Variants in DOCK11 observed in about 807,000 individuals in gnomAD.
The protein encoded by DOCK11 is dedicator of cytokinesis protein 11.
A neutral mutation model predicts 169.1 loss-of-function variants in DOCK11; 70 were observed. That is an observed-to-expected ratio of 0.41 (90% CI 0.34 to 0.51). The LOEUF (loss-of-function observed/expected upper bound fraction) is 0.51, where lower values mean the gene tolerates loss of function less well. DOCK11 is among the 20% of genes least tolerant of loss of function. The probability of loss-of-function intolerance (pLI) is 0.10; values close to 1 mark genes in which losing one functional copy is unlikely to be tolerated. For synonymous variants in DOCK11, 529 were observed against 541.3 expected (o/e 0.98, Z 0.32); for missense variants, 1,166 against 1,538.8 (o/e 0.76, Z 4.05).
chrX:118,523,812 G>A (rs767026614), intron 1 of DOCK11, among the ~76,000 whole-genome samples: 3 of 111,597 alleles, frequency 2.7e-5, no homozygotes, highest in Admixed American at 9.6e-5. Context: ...TAGTTGGTTC[G>A]AAGGCCCATT....
At chrX:118,646,414 A>G (rs2015673493) in intron 40 of DOCK11, among the ~76,000 whole-genome samples, 1 of 111,515 alleles carries the variant, frequency 9.0e-6, no homozygotes, top group Admixed American at 9.6e-5. Context: ...TCAAAGACGA[A>G]TCTGTAAGGG....
intron 7 of DOCK11, among the ~76,000 whole-genome samples, chrX:118,564,497 T>C (rs2013010495): frequency 8.9e-6 from 1 of 112,023 alleles, no homozygotes; most frequent in Non-Finnish European, 1.9e-5. Context: ...ATCAGCAAGC[T>C]TGAGAAAAGG....
intron 1 of DOCK11, among the ~76,000 whole-genome samples, chrX:118,532,615 C>T (rs2011619598): frequency 9.2e-6 from 1 of 109,256 alleles, no homozygotes; most frequent in Non-Finnish European, 1.9e-5. Context: ...CCCGTCTCTA[C>T]TAAAAAATAC....
intron 1 of DOCK11, among the ~76,000 whole-genome samples, chrX:118,521,527 G>T (rs1015537651): frequency 3.6e-5 from 4 of 112,522 alleles, no homozygotes; most frequent in African/African-American, 6.5e-5. Flanking sequence ...CTGCAGCAGA[G>T]AATTCACTGG....
chrX:118,659,516 C>T (rs909145253), intron 44 of DOCK11, among the ~76,000 whole-genome samples: 1 of 111,841 alleles, frequency 8.9e-6, no homozygotes, highest in African/African-American at 3.2e-5. Flanking sequence ...GGATTTTCTC[C>T]AAGCATTTTA....
At chrX:118,534,142 G>A (rs779106078) in intron 1 of DOCK11, among the ~76,000 whole-genome samples, 1 of 111,899 alleles carries the variant, frequency 8.9e-6, no homozygotes, top group African/African-American at 3.2e-5. Context: ...TCATTTAAAT[G>A]CTTATTAGCA....
intron 45 of DOCK11, 27 bp from the exon 46 acceptor site, chrX:118,670,995 TC>T (rs1360134653): frequency 1.1e-5 from 13 of 1,148,338 alleles, no homozygotes; most frequent in Non-Finnish European, 1.5e-5. Flanking sequence ...TATTTTTAAT[TC>T]CTAATTGGAT....
rs2014204759 is a variant in DOCK11, at chrX:118,597,531, G to A, written c.2364G>A (p.Leu788=). ...ATCTTCCCCCAGGCTACTTGAATCT[G>A]AATGATGCAGAATCAAGAAGGGTAG... is the stretch of plus-strand genomic sequence containing the variant. The part of the protein sequence containing the change: ...SANLPPGYLN[L]NDAESRRQCN... Residue 788 remains leucine (L), a synonymous_variant, in exon 21 of 53, where the codon CTG becomes CTA. Transcript: ENST00000276202. 1 of 1,209,457 alleles carries A rather than the reference G, an allele frequency of 8.3e-7. No individual in the cohort carries two copies. The highest frequency in any genetic ancestry group is 1.8e-5 in the African/African-American group (1 of 57,119).
At chrX:118,553,201 A>G (rs1292940276) in intron 6 of DOCK11, among the ~76,000 whole-genome samples, 1 of 111,971 alleles carries the variant, frequency 8.9e-6, no homozygotes, top group Non-Finnish European at 1.9e-5. Flanking sequence ...AGTAGCTGCT[A>G]GAGACATCTG....
intron 30 of DOCK11, among the ~76,000 whole-genome samples, chrX:118,616,971 T>G (rs1187271318): frequency 8.9e-6 from 1 of 111,914 alleles, no homozygotes; most frequent in East Asian, 2.8e-4. Flanking sequence ...AATATTTATT[T>G]ATAACTATGA....
chrX:118,566,564 G>A lies in DOCK11; in HGVS notation c.872-10G>A, dbSNP rs1213509286. ...ATGGTTTAGAACATCTGCTTTTAATGAATTTGCAGATGATGAAACTAGCAG... is the reference window on the plus strand; with the variant it reads ...ATGGTTTAGAACATCTGCTTTTAATAAATTTGCAGATGATGAAACTAGCAG... On this transcript the variant is annotated splice_polypyrimidine_tract_variant and intron_variant, in intron 8 of 52. Coordinates refer to ENST00000276202, the MANE Select transcript of DOCK11 (RefSeq NM_144658.4). 8.3e-7 allele frequency: 1 copy of A among 1,204,795 alleles called. No homozygotes were observed. Among genetic ancestry groups the A allele is most frequent in the Non-Finnish European group, 1.1e-6 (1 of 890,907 alleles).
chrX:118,604,138 T>G (rs1189358030), intron 23 of DOCK11, among the ~76,000 whole-genome samples: 1 of 111,687 alleles, frequency 9.0e-6, no homozygotes, highest in Non-Finnish European at 1.9e-5. Flanking sequence ...CCAAAACTGT[T>G]TCCAGACATT....
intron 6 of DOCK11, among the ~76,000 whole-genome samples, chrX:118,554,491 A>G (rs1054757571): frequency 9.0e-6 from 1 of 111,611 alleles, no homozygotes; most frequent in Non-Finnish European, 1.9e-5. Context: ...CAGAGGTTGC[A>G]GTGAGCTGAG....
chrX:118,598,514 C>T (rs2014240125), intron 22 of DOCK11, among the ~76,000 whole-genome samples: 1 of 111,554 alleles, frequency 9.0e-6, no homozygotes, highest in Non-Finnish European at 1.9e-5. Context: ...ATGTGGAAGC[C>T]ATCATCTCCA....
At chrX:118,544,270 T>C (rs1262178373) in intron 4 of DOCK11, among the ~76,000 whole-genome samples, 1 of 111,681 alleles carries the variant, frequency 9.0e-6, no homozygotes, top group Non-Finnish European at 1.9e-5. Context: ...TTCAGTTGAA[T>C]TGAAGGAATG....
At chrX:118,672,421 T>G (rs1048569198) in intron 46 of DOCK11, among the ~76,000 whole-genome samples, 2 of 112,512 alleles carry the variant, frequency 1.8e-5, no homozygotes, top group Non-Finnish European at 3.8e-5. Flanking sequence ...TCTTTTTTTT[T>G]GTTTTTTATT....
intron 23 of DOCK11, among the ~76,000 whole-genome samples, chrX:118,600,631 G>A (rs1370103935): frequency 9.0e-6 from 1 of 110,984 alleles, no homozygotes; most frequent in African/African-American, 3.3e-5. Context: ...ATCTCATATG[G>A]TAATAACTGT....
intron 1 of DOCK11, among the ~76,000 whole-genome samples, chrX:118,526,758 A>C (rs1036282198): frequency 8.9e-6 from 1 of 112,549 alleles, no homozygotes; most frequent in Non-Finnish European, 1.9e-5. Flanking sequence ...CTTGAATTTT[A>C]GAAAGGGACT....
At chrX:118,647,075 C>T (rs747842594) in intron 40 of DOCK11, among the ~76,000 whole-genome samples, 3 of 109,023 alleles carry the variant, frequency 2.8e-5, no homozygotes, top group African/African-American at 1.0e-4. Flanking sequence ...GATAATTAGT[C>T]ACTTTCTTAC....
Sources: allele counts gnomAD v4.1 joint callset (sites outside exome capture counted in the v4.1 genomes callset), GRCh38; gene constraint gnomAD v4.1.1; transcripts MANE v1.5; gene names NCBI Gene and HGNC (gene_info 2026-07-23, HGNC 2026-07-21).